Variants in PTPRN2 observed in about 807,000 individuals in gnomAD.
PTPRN2 encodes receptor-type tyrosine-protein phosphatase N2.
PTPRN2 carries 74 observed loss-of-function variants against 118.8 expected under a neutral mutation model. The ratio of observed to expected loss-of-function variants is 0.62; its 90% CI spans 0.52 to 0.76. PTPRN2 has a LOEUF of 0.76. Among genes scored for constraint, PTPRN2 ranks in the 30% least tolerant of loss-of-function variants. The pLI is 0.00. For synonymous variants in PTPRN2, 641 were observed against 608.0 expected (o/e 1.05, Z -0.80); for missense variants, 1,481 against 1,394.4 (o/e 1.06, Z -0.99).
At chr7:157,593,909 C>T (rs769524686) in intron 17 of PTPRN2, among the ~76,000 whole-genome samples, 3 of 152,220 alleles carry the variant, frequency 2.0e-5, no homozygotes, top group African/African-American at 7.2e-5. Flanking sequence ...GCTTCAACAA[C>T]GTCACACAGA....
intron 1 of PTPRN2, among the ~76,000 whole-genome samples, chr7:158,548,116 C>T (rs1362278321): frequency 6.6e-6 from 1 of 152,312 alleles, no homozygotes; most frequent in Non-Finnish European, 1.5e-5. Flanking sequence ...CAGGAGCAGG[C>T]GACATCCACT....
intron 11 of PTPRN2, among the ~76,000 whole-genome samples, chr7:158,037,656 T>C (rs1585246849): frequency 6.6e-6 from 1 of 152,250 alleles, no homozygotes; most frequent in Admixed American, 6.5e-5. Flanking sequence ...ACTGAAACGC[T>C]GTTATGTGGC....
intron 6 of PTPRN2, among the ~76,000 whole-genome samples, chr7:158,142,045 C>T (rs144270085): frequency 2.6e-5 from 4 of 152,312 alleles, no homozygotes; most frequent in African/African-American, 4.8e-5. Context: ...TCTTTACCTT[C>T]GGGTTGAAGT....
chr7:157,595,871 G>C (rs1801307101), intron 16 of PTPRN2, among the ~76,000 whole-genome samples: 1 of 152,212 alleles, frequency 6.6e-6, no homozygotes, highest in African/African-American at 2.4e-5. Flanking sequence ...TTATACCTGA[G>C]GTTGAGGTTC....
At chr7:157,811,707 G>A (rs984309578) in intron 12 of PTPRN2, among the ~76,000 whole-genome samples, 1 of 152,102 alleles carries the variant, frequency 6.6e-6, no homozygotes, top group East Asian at 1.9e-4. Flanking sequence ...CCACAGGCCG[G>A]CCCCTGTGCC....
chr7:158,374,973 G>C (rs7788805), intron 2 of PTPRN2, among the ~76,000 whole-genome samples: 149,043 of 152,336 alleles, frequency 0.98, 72,921 homozygotes, highest in East Asian at 1. Flanking sequence ...AATAAAGGGT[G>C]GGGCTAAAAT....
intron 12 of PTPRN2, among the ~76,000 whole-genome samples, chr7:157,842,371 A>AAG (rs1808486483): frequency 7.0e-6 from 1 of 142,672 alleles, no homozygotes; most frequent in Non-Finnish European, 1.5e-5. Flanking sequence ...AATGGTACAA[A>AAG]AGGGGCTCAA....
chr7:157,605,681 T>C (rs748152305), intron 15 of PTPRN2, among the ~76,000 whole-genome samples: 24 of 152,206 alleles, frequency 1.6e-4, no homozygotes, highest in Non-Finnish European at 3.4e-4. Context: ...GGGGTCCCGA[T>C]GAGTGTTCAG....
chr7:158,248,136 G>A (rs186347741), intron 3 of PTPRN2, among the ~76,000 whole-genome samples: 2 of 152,332 alleles, frequency 1.3e-5, no homozygotes, highest in East Asian at 3.9e-4. Flanking sequence ...CTAAAGCTGG[G>A]GCTTTGCTCA....
At chr7:158,056,080 G>C (rs1341422464) in intron 11 of PTPRN2, among the ~76,000 whole-genome samples, 1 of 152,060 alleles carries the variant, frequency 6.6e-6, no homozygotes, top group Non-Finnish European at 1.5e-5. Context: ...GGAATCTTCG[G>C]AGGCTCTTGC....
At chr7:157,855,972 A>G (rs1318759637) in intron 12 of PTPRN2, 1 of 152,184 alleles carries the variant, frequency 6.6e-6, no homozygotes, top group Non-Finnish European at 1.5e-5. Context: ...TCAGTACTTG[A>G]TTTAAGGCTC....
At chr7:158,391,186 G>C (rs1346326638) in intron 2 of PTPRN2, among the ~76,000 whole-genome samples, 1 of 152,202 alleles carries the variant, frequency 6.6e-6, no homozygotes, top group Non-Finnish European at 1.5e-5. Context: ...CTCCCTTAAA[G>C]ATAAAAAGAA....
chr7:158,197,396 T>C (rs992916739), intron 4 of PTPRN2, among the ~76,000 whole-genome samples: 4 of 152,236 alleles, frequency 2.6e-5, no homozygotes, highest in Admixed American at 6.5e-5. Context: ...CATACAGTAA[T>C]GGAATAGGTT....
chr7:157,875,635 G>A (rs937551861), intron 12 of PTPRN2, among the ~76,000 whole-genome samples: 65 of 152,248 alleles, frequency 4.3e-4, no homozygotes, highest in African/African-American at 2.4e-5. Flanking sequence ...GGCCTGTGCA[G>A]GAGGCGAGCA....
At chr7:157,680,806 G>C (rs750437625) in intron 13 of PTPRN2, among the ~76,000 whole-genome samples, 1 of 152,112 alleles carries the variant, frequency 6.6e-6, no homozygotes, top group East Asian at 1.9e-4. Flanking sequence ...AAGAAAAAAA[G>C]TTTTTTTTCC....
At chr7:158,032,541 C>T (rs1031706428) in intron 11 of PTPRN2, among the ~76,000 whole-genome samples, 10 of 152,118 alleles carry the variant, frequency 6.6e-5, no homozygotes, top group South Asian at 2.1e-4. Flanking sequence ...GGTGAAAAAG[C>T]GCCTCTGATG....
intron 2 of PTPRN2, among the ~76,000 whole-genome samples, chr7:158,388,213 G>T (rs1039959956): frequency 2.6e-5 from 4 of 152,092 alleles, no homozygotes; most frequent in Non-Finnish European, 5.9e-5. Flanking sequence ...CTTCCGAGTG[G>T]CCATCACCTG....
rs533680849 is a variant in PTPRN2, at chr7:158,051,759, C to A, written c.1723+29539G>T. ...TCACAGATGAATCCAATTAGCATAT[C>A]ACTGTGACTGATTAAATATGCCTCA... On this transcript the variant is annotated intron_variant, in intron 11 of 22. Coordinates refer to ENST00000389418, the MANE Select transcript of PTPRN2 (RefSeq NM_002847.5). 2.0e-5 allele frequency among the ~76,000 whole-genome samples: 3 copies of A among 152,310 alleles called. No homozygotes were observed. In the East Asian group the frequency reaches 5.8e-4, roughly 29 times the overall value.
chr7:158,307,776 C>G lies in PTPRN2; in HGVS notation c.277+9043G>C, dbSNP rs183772369. Among the ~76,000 whole-genome samples the G allele has an allele frequency of 2.0e-5, 3 of 152,260 alleles. No homozygotes were observed. In the East Asian group the frequency reaches 5.8e-4, roughly 29 times the overall value. ...AGTTTAATCCCTAATTTGGGAGTAT[C>G]AGGAGGGAGGAGGAAACTGGGTCAT... is the stretch of plus-strand genomic sequence containing the variant. On this transcript the variant is annotated intron_variant, in intron 3 of 22. Transcript: ENST00000389418.
Sources: gnomAD v4.1 joint callset for allele counts (sites outside exome capture counted in the v4.1 genomes callset) on GRCh38, gnomAD v4.1.1 for gene constraint, MANE v1.5 for transcripts, NCBI Gene and HGNC (gene_info 2026-07-23, HGNC 2026-07-21) for gene names.